The following SNED1 variants were observed in gnomAD, a reference collection of about 807,000 sequenced individuals.
SNED1 encodes the protein sushi, nidogen and EGF like domains 1.
A neutral mutation model predicts 166.7 loss-of-function variants in SNED1; 81 were observed. The ratio of observed to expected loss-of-function variants is 0.49; its 90% CI spans 0.41 to 0.58. SNED1 has a LOEUF of 0.58. Ranked by LOEUF, SNED1 falls within the 20% of genes least tolerant of loss-of-function variation. SNED1 has a pLI of 0.00. For synonymous variants in SNED1, 762 were observed against 822.0 expected (o/e 0.93, Z 1.25); for missense variants, 1,604 against 2,000.2 (o/e 0.80, Z 3.78).
intron 16 of SNED1, among the ~76,000 whole-genome samples, chr2:241,057,732 A>C (rs1234585391): frequency 1.3e-5 from 2 of 152,172 alleles, no homozygotes; most frequent in African/African-American, 4.8e-5. Context: ...ATCTTTATTC[A>C]GTCAAATTGT....
At chr2:241,027,248 T>G (rs1003710881) in intron 1 of SNED1, among the ~76,000 whole-genome samples, 3 of 152,106 alleles carry the variant, frequency 2.0e-5, no homozygotes, top group Non-Finnish European at 4.4e-5. Context: ...GCCCAGCTAA[T>G]GTTTGTATTT....
chr2:241,094,221 A>G lies in SNED1; in HGVS notation c.*2585A>G. 2.3e-6 allele frequency: 1 copy of G among 442,256 alleles called. No homozygotes were observed. The highest frequency in any genetic ancestry group is 4.7e-6 in the Non-Finnish European group (1 of 213,232). The allele number at this position is 442,256 out of a possible 1,614,324, so 27.4% of individuals were successfully genotyped here. A position where few individuals can be genotyped will look rare whatever the true frequency, so the allele number is the denominator to read the frequency against. On this transcript the variant is annotated 3_prime_UTR_variant, in exon 32 of 32. Transcript: ENST00000310397. The surrounding 1 kb of genome is among the most constrained non-coding windows in gnomAD (Gnocchi z 4.3). Reference sequence around the variant, plus strand: ...AAGTAAGGGAATCTTTGCTGTGCCCACTGTCCTCCAGTAGAGAACCCAACA... The same window carrying G: ...AAGTAAGGGAATCTTTGCTGTGCCCGCTGTCCTCCAGTAGAGAACCCAACA...
Position 241,070,037 on chromosome 2 carries a change from C to G in SNED1, c.3425C>G (p.Thr1142Ser), listed in dbSNP as rs748931958. 2 of 1,612,918 alleles carry G rather than the reference C, an allele frequency of 1.2e-6. No individual in the cohort carries two copies. Among genetic ancestry groups the G allele is most frequent in the Non-Finnish European group, 1.7e-6 (2 of 1,179,902 alleles). The change falls in exon 24 of 32, where the codon ACC becomes AGC. Residue 1142 changes from threonine to serine, a missense_variant. By Grantham distance (58) the Thr-to-Ser change is moderately conservative. Transcript: ENST00000310397. Reference protein sequence around the residue: ...LLEAYVINVTTSQSTKSRYVP... With the variant: ...LLEAYVINVTSSQSTKSRYVP... ...GAGGCTTATGTCATCAATGTGACCA[C>G]CAGCCAGAGCACCAAGAGCCGCTAT...
intron 31 of SNED1, among the ~76,000 whole-genome samples, chr2:241,089,658 A>G (rs1408487311): frequency 1.3e-5 from 2 of 152,218 alleles, no homozygotes; most frequent in African/African-American, 2.4e-5. Flanking sequence ...CTCACCCTCC[A>G]AAGACACACA....
chr2:241,029,777 C>T (rs1057411033), intron 1 of SNED1, among the ~76,000 whole-genome samples: 3 of 152,240 alleles, frequency 2.0e-5, no homozygotes, highest in African/African-American at 4.8e-5. Flanking sequence ...GCAGCCTCCC[C>T]GGCCATGCTG....
In SNED1 at chr2:241,089,190, T is replaced by A. The variant is rs144773021; in HGVS notation, c.*1+788T>A. The A allele has an allele frequency of 2.0e-5, 22 of 1,118,814 alleles. No homozygotes were observed. The East Asian group carries it at 5.8e-4, about 29-fold the overall frequency. 69.3% of individuals were successfully genotyped at this position (1,118,814 alleles called of 1,614,324 possible). ...CCTGTTACCAGTTTCATACTGACCA[T>A]CATTTTTTATCAACATGTCACTGCA... On this transcript the variant is annotated intron_variant, in intron 31 of 31. Transcript: ENST00000310397.
intron 1 of SNED1, among the ~76,000 whole-genome samples, chr2:241,025,499 G>A (rs2060932488): frequency 6.6e-6 from 1 of 152,134 alleles, no homozygotes; most frequent in Non-Finnish European, 1.5e-5. Flanking sequence ...ATCTTTCAAT[G>A]TATATTATTG....
chr2:241,027,038 T>C (rs1013463763), intron 1 of SNED1, among the ~76,000 whole-genome samples: 3 of 152,228 alleles, frequency 2.0e-5, no homozygotes, highest in African/African-American at 7.2e-5. Context: ...CTTAGCATAG[T>C]GTCTTTAAGG....
chr2:241,058,356 A>G (rs941714405), intron 16 of SNED1, among the ~76,000 whole-genome samples: 7 of 152,188 alleles, frequency 4.6e-5, no homozygotes, highest in African/African-American at 1.7e-4. Flanking sequence ...AAACTTGATT[A>G]ATTAAATGTC....
In SNED1 at chr2:240,999,589, G is replaced by A. The variant is rs570029573; in HGVS notation, c.213+539G>A. 1.8e-4 allele frequency among the ~76,000 whole-genome samples: 28 copies of A among 152,190 alleles called. No individual in the cohort carries two copies. The highest frequency in any genetic ancestry group is 6.0e-4 in the African/African-American group (25 of 41,446). ...CTTCTTCGCTGACCCTCCTAGGCGG[G>A]CTAGCAACAGGCTTGCCCCTCCCTG... is the stretch of plus-strand genomic sequence containing the variant. On this transcript the variant is annotated intron_variant, in intron 1 of 31. Transcript: ENST00000310397. The surrounding 1 kb of genome is among the most constrained non-coding windows in gnomAD (Gnocchi z 5.8).
intron 31 of SNED1, among the ~76,000 whole-genome samples, chr2:241,089,661 GAC>G (rs1461195949): frequency 6.6e-6 from 1 of 152,188 alleles, no homozygotes. Flanking sequence ...ACCCTCCAAA[GAC>G]ACACACACTA....
At chr2:241,058,015 G>T (rs937865960) in intron 16 of SNED1, among the ~76,000 whole-genome samples, 1 of 152,166 alleles carries the variant, frequency 6.6e-6, no homozygotes, top group African/African-American at 2.4e-5. Context: ...CTCTCCAGGT[G>T]AGAGATTGCC....
At chr2:241,063,800 C>G in intron 18 of SNED1, 100 bp downstream of exon 18, 1 of 902,720 alleles carries the variant, frequency 1.1e-6, no homozygotes, top group South Asian at 1.6e-5. Flanking sequence ...GGCAGGCCAC[C>G]TGGGGAGAGG....
intron 2 of SNED1, 96 bp downstream of exon 2, chr2:241,030,667 G>C: frequency 7.8e-7 from 1 of 1,282,974 alleles, no homozygotes; most frequent in Middle Eastern, 1.9e-4. Context: ...TGGGTGTGGT[G>C]CAGTCACTGG....
chr2:241,048,760 G>C lies in SNED1; in HGVS notation c.1498G>C (p.Glu500Gln). The change falls in exon 10 of 32, where the codon GAA becomes CAA. Residue 500 changes from glutamate to glutamine, a missense_variant. Physicochemically the swap from Glu to Gln is conservative, Grantham distance 29. Transcript: ENST00000310397. ...CPLGFFGLLC[E>Q]FEITAMPCNM... Reference sequence around the variant, plus strand: ...CCTGGGATTCTTTGGGCTTCTCTGTGAATTTGGTAGGTGCCCAGGTCACCC... The same window carrying C: ...CCTGGGATTCTTTGGGCTTCTCTGTCAATTTGGTAGGTGCCCAGGTCACCC... 1 of 1,609,208 alleles carries C rather than the reference G, an allele frequency of 6.2e-7. No individual in the cohort carries two copies.
chr2:241,031,873 C>G (rs922042010), intron 2 of SNED1, among the ~76,000 whole-genome samples: 1 of 152,236 alleles, frequency 6.6e-6, no homozygotes, highest in African/African-American at 2.4e-5. Flanking sequence ...TGACTACAAA[C>G]TAGCCCAGCA....
chr2:241,075,277 C>A lies in SNED1; in HGVS notation c.3916+1913C>A, dbSNP rs2062966722. 6.6e-6 allele frequency: 1 copy of A among 152,194 alleles called. No homozygotes were observed. Among genetic ancestry groups the A allele is most frequent in the South Asian group, 2.1e-4 (1 of 4,810 alleles). 9.4% of individuals were successfully genotyped at this position (152,194 alleles called of 1,614,324 possible). A position where few individuals can be genotyped will look rare whatever the true frequency, so the allele number is the denominator to read the frequency against. ...GATCTAGGATGAGGATGTGTGAATG[C>A]CCAAATTACATGAGAACTAAGTCAT... On this transcript the variant is annotated intron_variant, in intron 27 of 31. Transcript: ENST00000310397. This position sits in a 1 kb window ranked among gnomAD's most constrained non-coding sequence, Gnocchi z 4.8.
chr2:241,071,979 G>T, intron 26 of SNED1, 101 bp downstream of exon 26: 1 of 1,015,510 alleles, frequency 9.8e-7, no homozygotes, highest in South Asian at 1.4e-5. Flanking sequence ...CACCCCCACC[G>T]CCAGCGCAGT....
intron 1 of SNED1, among the ~76,000 whole-genome samples, chr2:241,008,847 C>T (rs774983145): frequency 6.6e-6 from 1 of 152,246 alleles, no homozygotes; most frequent in Admixed American, 6.5e-5. Context: ...ACCCCAATGC[C>T]TCCACACAGG....
Sources: allele counts gnomAD v4.1 joint callset (sites outside exome capture counted in the v4.1 genomes callset), GRCh38; gene constraint gnomAD v4.1.1; non-coding constraint Gnocchi (gnomAD v3.1); transcripts MANE v1.5; gene names NCBI Gene and HGNC (gene_info 2026-07-23, HGNC 2026-07-21).